The following TMEM163 variants were observed in gnomAD, a reference collection of about 807,000 sequenced individuals.
TMEM163 encodes the protein transmembrane protein 163.
A neutral mutation model predicts 29.3 loss-of-function variants in TMEM163; 17 were observed. The observed-to-expected ratio is 0.58, with a 90% confidence interval of 0.40 to 0.87. The LOEUF (loss-of-function observed/expected upper bound fraction) is 0.87. Ranked by LOEUF, TMEM163 falls within the 40% of genes least tolerant of loss-of-function variation. TMEM163 has a pLI of 0.00. For missense variants in TMEM163, 303 were observed against 381.5 expected (o/e 0.79, Z 1.71); for synonymous variants, 157 against 160.6 (o/e 0.98, Z 0.17).
At chr2:134,520,944 T>A (rs1379138817) in intron 4 of TMEM163, among the ~76,000 whole-genome samples, 5 of 152,002 alleles carry the variant, frequency 3.3e-5, no homozygotes, top group African/African-American at 1.2e-4. Context: ...TGGGAAGGTG[T>A]TAGTTTTTGT....
intron 2 of TMEM163, among the ~76,000 whole-genome samples, chr2:134,650,079 T>C (rs1372113700): frequency 6.6e-6 from 1 of 151,274 alleles, no homozygotes; most frequent in Non-Finnish European, 1.5e-5. Context: ...GATATACAAT[T>C]GAGTGAAAAA....
intron 2 of TMEM163, among the ~76,000 whole-genome samples, chr2:134,561,996 T>C (rs1269272674): frequency 1.3e-5 from 2 of 152,246 alleles, no homozygotes; most frequent in Non-Finnish European, 2.9e-5. Flanking sequence ...AAGTAAAGCA[T>C]TCATTAGATA....
At chr2:134,520,900 G>T (rs774081592) in intron 4 of TMEM163, among the ~76,000 whole-genome samples, 28 of 152,292 alleles carry the variant, frequency 1.8e-4, no homozygotes, top group Non-Finnish European at 3.2e-4. Flanking sequence ...GCTCCCCCTT[G>T]AAGTTTCTTC....
chr2:134,671,638 T>C (rs1683998910), intron 2 of TMEM163, among the ~76,000 whole-genome samples: 1 of 152,140 alleles, frequency 6.6e-6, no homozygotes, highest in Non-Finnish European at 1.5e-5. Flanking sequence ...TGAAATGCCA[T>C]TGTTAACCTC....
chr2:134,533,239 G>T (rs939696831), intron 4 of TMEM163, among the ~76,000 whole-genome samples: 2 of 152,094 alleles, frequency 1.3e-5, no homozygotes. Context: ...AAAAAGAATG[G>T]GTTACATATA....
intron 4 of TMEM163, among the ~76,000 whole-genome samples, chr2:134,517,446 G>T (rs1680097737): frequency 6.6e-6 from 1 of 152,160 alleles, no homozygotes; most frequent in Non-Finnish European, 1.5e-5. Context: ...ACTGAGCTGG[G>T]ACTCAAAGCC....
intron 5 of TMEM163, among the ~76,000 whole-genome samples, chr2:134,483,405 C>A (rs1259858286): frequency 1.3e-5 from 2 of 152,166 alleles, no homozygotes; most frequent in Non-Finnish European, 1.5e-5. Flanking sequence ...GAAGTAGGAC[C>A]TCTGGTTGCC....
intron 2 of TMEM163, among the ~76,000 whole-genome samples, chr2:134,634,009 AT>A (rs1683045322): frequency 1.2e-4 from 4 of 32,562 alleles, no homozygotes; most frequent in African/African-American, 4.5e-4. Context: ...ATATATATAT[AT>A]ATATATATAT....
chr2:134,483,025 C>T (rs1012880634), intron 5 of TMEM163, among the ~76,000 whole-genome samples: 2 of 152,010 alleles, frequency 1.3e-5, no homozygotes, highest in African/African-American at 2.4e-5. Context: ...AAAGCTGAGG[C>T]TGGCAGGGTC....
At chr2:134,704,519 C>T (rs899264559) in intron 2 of TMEM163, among the ~76,000 whole-genome samples, 3 of 152,174 alleles carry the variant, frequency 2.0e-5, no homozygotes, top group Admixed American at 6.5e-5. Context: ...TTCAACCTCC[C>T]CTCTGCCAGT....
chr2:134,456,622 C>G lies in TMEM163; in HGVS notation c.*94G>C, dbSNP rs1401404155. On this transcript the variant is annotated 3_prime_UTR_variant, in exon 8 of 8. Coordinates refer to ENST00000281924, the MANE Select transcript of TMEM163 (RefSeq NM_030923.5). ...TGACAAACCATGTGAAAGAAAACTT[C>G]CAAAAAGAAACCAGATGTTCAGTTA... 1 of 1,464,170 alleles carries G rather than the reference C, an allele frequency of 6.8e-7. No homozygotes were observed. Among genetic ancestry groups the G allele is most frequent in the Admixed American group, 1.9e-5 (1 of 53,822 alleles). The allele number at this position is 1,464,170 out of a possible 1,614,324, so 90.7% of individuals were successfully genotyped here.
Position 134,689,424 on chromosome 2 carries a change from CAT to C in TMEM163, c.322+23774_322+23775del, listed in dbSNP as rs999325652. Among the ~76,000 whole-genome samples the C allele has an allele frequency of 3.9e-5, 6 of 152,256 alleles. No individual in the cohort carries two copies. The East Asian group carries it at 5.8e-4, about 15-fold the overall frequency. On this transcript the variant is annotated intron_variant, in intron 2 of 7. Coordinates refer to ENST00000281924, the MANE Select transcript of TMEM163 (RefSeq NM_030923.5). ...TGCCTGGAGACAATTTTTAATTACA[CAT>C]GAGAGTCACATTTGTGACTAGAATT... is the stretch of plus-strand genomic sequence containing the variant.
intron 5 of TMEM163, among the ~76,000 whole-genome samples, chr2:134,471,125 T>C (rs542753907): frequency 3.9e-5 from 6 of 152,140 alleles, no homozygotes; most frequent in Non-Finnish European, 7.4e-5. Context: ...TGAGCTATAA[T>C]AGTGCCACTG....
At chr2:134,702,151 T>A (rs1684718736) in intron 2 of TMEM163, among the ~76,000 whole-genome samples, 1 of 152,024 alleles carries the variant, frequency 6.6e-6, no homozygotes, top group Non-Finnish European at 1.5e-5. Flanking sequence ...GCCGACATGC[T>A]CGGAGCTCAG....
At chr2:134,494,776 A>G (rs1679509517) in intron 5 of TMEM163, among the ~76,000 whole-genome samples, 1 of 152,224 alleles carries the variant, frequency 6.6e-6, no homozygotes, top group Non-Finnish European at 1.5e-5. Flanking sequence ...TTAAACAGCC[A>G]GTTAGAGCAT....
At chr2:134,621,113 C>T (rs1682720508) in intron 2 of TMEM163, among the ~76,000 whole-genome samples, 1 of 152,082 alleles carries the variant, frequency 6.6e-6, no homozygotes, top group Non-Finnish European at 1.5e-5. Flanking sequence ...ATATATATCC[C>T]TCGTATCATT....
chr2:134,549,371 A>T (rs59216238), intron 4 of TMEM163, among the ~76,000 whole-genome samples: 4,736 of 152,260 alleles, frequency 0.031, 157 homozygotes, highest in African/African-American at 0.079. Context: ...TGTTTGAGAC[A>T]AAGTCTCGCT....
rs144610502 is a variant in TMEM163 at position 134,573,349 on chromosome 2, T to C, written c.323-21258A>G. 3.1e-4 allele frequency among the ~76,000 whole-genome samples: 47 copies of C among 152,266 alleles called. No homozygotes were observed. The East Asian group carries it at 7.7e-3, about 25-fold the overall frequency. On this transcript the variant is annotated intron_variant, in intron 2 of 7. Transcript: ENST00000281924. Reference sequence around the variant, plus strand: ...GATAGAAGGGGCTCAGTCTAGAAAGTAGTATTTAAATGTATCAGAAAGGTA... The same window carrying C: ...GATAGAAGGGGCTCAGTCTAGAAAGCAGTATTTAAATGTATCAGAAAGGTA...
chr2:134,505,239 C>CCTTTTTTTTTTTTTTTT (rs373282805), intron 4 of TMEM163, among the ~76,000 whole-genome samples: 1 of 130,234 alleles, frequency 7.7e-6, no homozygotes, highest in African/African-American at 3.0e-5. Context: ...TGGGGAATTC[C>CCTTTTTTTTTTTTTTTT]TTTTTTTTTT....
Sources: allele counts gnomAD v4.1 joint callset (sites outside exome capture counted in the v4.1 genomes callset), GRCh38; gene constraint gnomAD v4.1.1; transcripts MANE v1.5; gene names NCBI Gene and HGNC (gene_info 2026-07-23, HGNC 2026-07-21).